Variants in DAGLA observed in about 807,000 individuals in gnomAD.
DAGLA encodes the protein diacylglycerol lipase alpha.
DAGLA carries 22 observed loss-of-function variants against 102.6 expected under a neutral mutation model. That is an observed-to-expected ratio of 0.21 (90% CI 0.15 to 0.31). DAGLA has a LOEUF of 0.31. DAGLA is among the 10% of genes least tolerant of loss of function. The pLI, the probability that DAGLA is intolerant of heterozygous loss-of-function variation, is 1.00. For synonymous variants in DAGLA, 578 were observed against 628.9 expected, an observed-to-expected ratio of 0.92 and a Z score of 1.21; for missense variants, 927 against 1,446.6, an observed-to-expected ratio of 0.64 and a Z score of 5.83.
In DAGLA at chr11:61,740,409, G is replaced by A. The variant is rs779953995; in HGVS notation, c.1854-54G>A. On this transcript the variant is annotated intron_variant, in intron 17 of 19. Coordinates refer to ENST00000257215, the MANE Select transcript of DAGLA (RefSeq NM_006133.3). ...AACAGAGCCAGGAGGCCCTGGCACC[G>A]AGGGCCAGGCCACCACCCCACCCTT... The A allele has an allele frequency of 1.4e-5, 22 of 1,589,874 alleles. No individual in the cohort carries two copies. In the Admixed American group the frequency reaches 1.9e-4, roughly 13 times the overall value.
intron 1 of DAGLA, among the ~76,000 whole-genome samples, chr11:61,690,078 C>T (rs761931063): frequency 6.6e-6 from 1 of 152,100 alleles, no homozygotes; most frequent in Non-Finnish European, 1.5e-5. Context: ...TTCCAGGCAC[C>T]GCAAACTCTC....
intron 1 of DAGLA, among the ~76,000 whole-genome samples, chr11:61,701,254 C>G (rs1473081543): frequency 3.9e-5 from 6 of 152,248 alleles, no homozygotes; most frequent in Non-Finnish European, 7.3e-5. Flanking sequence ...GCCCTGAGCA[C>G]CGCCCAGACG....
intron 1 of DAGLA, among the ~76,000 whole-genome samples, chr11:61,717,704 C>T (rs1386692885): frequency 1.3e-5 from 2 of 152,200 alleles, no homozygotes; most frequent in Non-Finnish European, 2.9e-5. Context: ...GGTGGTGGGC[C>T]GGCCACTGGT....
At chr11:61,727,404 G>A (rs2135589794) in intron 6 of DAGLA, among the ~76,000 whole-genome samples, 1 of 152,326 alleles carries the variant, frequency 6.6e-6, no homozygotes, top group African/African-American at 2.4e-5. Flanking sequence ...GAGACCCAGT[G>A]AGACAGACTT....
chr11:61,738,038 G>A (rs1005292593), intron 15 of DAGLA, 97 bp from the exon 16 acceptor site: 4 of 964,956 alleles, frequency 4.1e-6, no homozygotes, highest in Non-Finnish European at 6.5e-6. Flanking sequence ...TCTTGTTCCA[G>A]GGGCTAGGCG....
chr11:61,691,968 G>C (rs1341644803), intron 1 of DAGLA, among the ~76,000 whole-genome samples: 1 of 152,236 alleles, frequency 6.6e-6, no homozygotes, highest in African/African-American at 2.4e-5. Context: ...TGGGCACACA[G>C]ATCACTGGGG....
intron 9 of DAGLA, among the ~76,000 whole-genome samples, chr11:61,732,914 C>G (rs2065388468): frequency 6.6e-6 from 1 of 152,130 alleles, no homozygotes; most frequent in Non-Finnish European, 1.5e-5. Context: ...TCTGGCTTGG[C>G]CCTAGCCCTG....
rs1591053154 is a variant in DAGLA, at chr11:61,738,198, C to T, written c.1647C>T (p.Thr549=). The part of the protein sequence containing the change: ...RQLLDVLQRS[T]KPKWRIIVGA... ...TCCTGGATGTCCTGCAGCGAAGCAC[C>T]AAGCCCAAAGTGAGCCCCCACCTGG... is the stretch of plus-strand genomic sequence containing the variant. Residue 549 remains threonine, a synonymous_variant, in exon 16 of 20, where the codon ACC becomes ACT. Coordinates refer to ENST00000257215, the MANE Select transcript of DAGLA (RefSeq NM_006133.3). 1 of 1,612,700 alleles carries T rather than the reference C, an allele frequency of 6.2e-7. No homozygotes were observed. The highest frequency in any genetic ancestry group is 8.5e-7 in the Non-Finnish European group (1 of 1,179,868).
At chr11:61,691,256 C>A (rs1344799335) in intron 1 of DAGLA, among the ~76,000 whole-genome samples, 1 of 152,206 alleles carries the variant, frequency 6.6e-6, no homozygotes, top group East Asian at 1.9e-4. Context: ...TAATGAACTC[C>A]CATCATAAAG....
At chr11:61,707,359 T>C (rs945757097) in intron 1 of DAGLA, among the ~76,000 whole-genome samples, 7 of 152,256 alleles carry the variant, frequency 4.6e-5, no homozygotes, top group African/African-American at 1.7e-4. Flanking sequence ...AGTGGGTCAG[T>C]GGCCTTGCTC....
At chr11:61,714,925 G>T (rs1336601981) in intron 1 of DAGLA, among the ~76,000 whole-genome samples, 1 of 152,206 alleles carries the variant, frequency 6.6e-6, no homozygotes, top group Non-Finnish European at 1.5e-5. Context: ...AATAGTAATG[G>T]CAGTGGCAGC....
chr11:61,686,699 G>A lies in DAGLA; in HGVS notation c.-45+6195G>A, dbSNP rs2064987496. On this transcript the variant is annotated intron_variant, in intron 1 of 19. Coordinates refer to ENST00000257215, the MANE Select transcript of DAGLA (RefSeq NM_006133.3). This position sits in a 1 kb window ranked among gnomAD's most constrained non-coding sequence, Gnocchi z 5.2. ...ACGGTGGCCCTCCGCTGTGTAAGGT[G>A]AGACAGGATGCTGCCTCGAATTCAT... 3.9e-5 allele frequency among the ~76,000 whole-genome samples: 6 copies of A among 152,198 alleles called. No individual in the cohort carries two copies. In the South Asian group the frequency reaches 1.2e-3, roughly 31 times the overall value.
At chr11:61,727,336 G>A (rs570394997) in intron 6 of DAGLA, among the ~76,000 whole-genome samples, 2 of 152,338 alleles carry the variant, frequency 1.3e-5, no homozygotes, top group East Asian at 3.9e-4. Flanking sequence ...GGCTCCATTC[G>A]GCATTTGAAT....
Position 61,745,520 on chromosome 11 carries a change from A to G in DAGLA, c.*1031A>G, listed in dbSNP as rs1232010978. 1 of 152,284 alleles carries G rather than the reference A, an allele frequency of 6.6e-6. No homozygotes were observed. The highest frequency in any genetic ancestry group is 1.5e-5 in the Non-Finnish European group (1 of 68,078). 9.4% of individuals were successfully genotyped at this position (152,284 alleles called of 1,614,324 possible). A position where few individuals can be genotyped will look rare whatever the true frequency, so the allele number is the denominator to read the frequency against. On this transcript the variant is annotated 3_prime_UTR_variant, in exon 20 of 20. Transcript: ENST00000257215. Reference sequence around the variant, plus strand: ...CAGGCCTTCCTCCCTCCCACCCCCAATGTCCTGTTGGTAGGAGGTGGGGCC... The same window carrying G: ...CAGGCCTTCCTCCCTCCCACCCCCAGTGTCCTGTTGGTAGGAGGTGGGGCC...
rs73485485 is a variant in DAGLA, at chr11:61,743,462, C to T, written c.2172-70C>T. ...TTTATTCCCTGCAAGTTCCTTTTAG[C>T]CAGGGAGCTGGGGTTCAGTCCCCTC... On this transcript the variant is annotated intron_variant, in intron 19 of 19. Transcript: ENST00000257215. 1,160 of 1,271,254 alleles carry T rather than the reference C, an allele frequency of 9.1e-4. 15 individuals carry two copies. The African/African-American group carries it at 0.014, about 15-fold the overall frequency. The allele number at this position is 1,271,254 out of a possible 1,614,324, so 78.7% of individuals were successfully genotyped here.
chr11:61,737,806 C>T, intron 15 of DAGLA, 51 bp downstream of exon 15: 1 of 1,466,956 alleles, frequency 6.8e-7, no homozygotes, highest in African/African-American at 1.4e-5. Context: ...TTCCTCCCTC[C>T]TCCAGGCCTC....
chr11:61,733,294 C>T (rs1350709552), intron 9 of DAGLA, among the ~76,000 whole-genome samples: 2 of 152,240 alleles, frequency 1.3e-5, no homozygotes, highest in Non-Finnish European at 2.9e-5. Context: ...GAGGGAACAG[C>T]TGCCGAGCAC....
chr11:61,710,030 G>A (rs1350787901), intron 1 of DAGLA, among the ~76,000 whole-genome samples: 1 of 152,144 alleles, frequency 6.6e-6, no homozygotes, highest in African/African-American at 2.4e-5. Context: ...GCAAGGGGGC[G>A]GGGGCCCCAA....
intron 1 of DAGLA, among the ~76,000 whole-genome samples, chr11:61,685,371 A>G (rs931354761): frequency 1.3e-5 from 2 of 152,186 alleles, no homozygotes; most frequent in Non-Finnish European, 2.9e-5. Flanking sequence ...TGCATATATT[A>G]GCAGTAGGGA....
Sources: gnomAD v4.1 joint callset for allele counts (sites outside exome capture counted in the v4.1 genomes callset) on GRCh38, gnomAD v4.1.1 for gene constraint, Gnocchi (gnomAD v3.1) non-coding constraint, MANE v1.5 for transcripts, NCBI Gene and HGNC (gene_info 2026-07-23, HGNC 2026-07-21) for gene names.